ATP13A4: variants seen among roughly 807,000 people sequenced by gnomAD.
ATP13A4 encodes probable cation-transporting ATPase 13A4.
Under a neutral mutation model 142.5 loss-of-function variants are expected in ATP13A4, and 114 were observed. The observed-to-expected ratio is 0.80, with a 90% CI of 0.69 to 0.93. ATP13A4 has a LOEUF of 0.93. Among genes scored for constraint, ATP13A4 ranks in the 40% least tolerant of loss-of-function variants. ATP13A4 has a pLI of 0.00. For synonymous variants in ATP13A4, 488 were observed against 514.8 expected (o/e 0.95, Z 0.70); for missense variants, 1,392 against 1,454.0 (o/e 0.96, Z 0.69).
intron 1 of ATP13A4, among the ~76,000 whole-genome samples, chr3:193,519,946 G>A (rs1027885979): frequency 1.3e-5 from 2 of 151,982 alleles, no homozygotes; most frequent in Non-Finnish European, 2.9e-5. Context: ...CACCTGGCCT[G>A]CAATTTCTAT....
chr3:193,409,584 TAGA>T lies in ATP13A4; in HGVS notation c.3297+1395_3297+1397del, dbSNP rs150681844. Among the ~76,000 whole-genome samples, 195 of 152,354 alleles carry T rather than the reference TAGA, an allele frequency of 1.3e-3. 2 individuals carry two copies. The East Asian group carries it at 0.028, about 22-fold the overall frequency. On this transcript the variant is annotated intron_variant, in intron 28 of 29. Transcript: ENST00000342695. ...TAGGATTAAGAAGTTTTAACTGACT[TAGA>T]AGACCAGTGGGCAAAGCCTACTTAT...
intron 1 of ATP13A4, among the ~76,000 whole-genome samples, chr3:193,527,516 G>A (rs1305549565): frequency 6.6e-6 from 1 of 151,834 alleles, no homozygotes; most frequent in Admixed American, 6.6e-5. Context: ...GGAAGCGGAG[G>A]CATGAGAATC....
chr3:193,439,044 A>G lies in ATP13A4; in HGVS notation c.2541T>C (p.Gly847=). The G allele has an allele frequency of 1.2e-6, 2 of 1,609,548 alleles. No homozygotes were observed. ...TTACCCCACAGTCATTGGCTCCATCACCACACATACCTACAAAGTAACTAA... is the reference window on the plus strand; with the variant it reads ...TTACCCCACAGTCATTGGCTCCATCGCCACACATACCTACAAAGTAACTAA... ...QKLDYFVGMC[G]DGANDCGALK... Residue 847 remains glycine (G), a synonymous_variant, in exon 22 of 30, where the codon GGT becomes GGC. Coordinates refer to ENST00000342695, the MANE Select transcript of ATP13A4 (RefSeq NM_032279.4).
At chr3:193,476,265 C>T (rs775496206) in intron 8 of ATP13A4, among the ~76,000 whole-genome samples, 2 of 152,074 alleles carry the variant, frequency 1.3e-5, no homozygotes, top group African/African-American at 2.4e-5. Flanking sequence ...GCTACTTCCC[C>T]GTCCATTTTT....
At chr3:193,481,027 G>A (rs139426119) in intron 8 of ATP13A4, among the ~76,000 whole-genome samples, 5,238 of 152,266 alleles carry the variant, frequency 0.034, 136 homozygotes, top group Non-Finnish European at 0.049. Flanking sequence ...CTCAGGAATG[G>A]AAAACTAAAC....
chr3:193,522,764 G>C (rs751636165), intron 1 of ATP13A4, among the ~76,000 whole-genome samples: 1 of 152,188 alleles, frequency 6.6e-6, no homozygotes, highest in African/African-American at 2.4e-5. Context: ...ATAGGCAAGA[G>C]GGACTCCACC....
intron 21 of ATP13A4, 69 bp downstream of exon 21, chr3:193,440,489 C>T: frequency 1.9e-6 from 3 of 1,607,304 alleles, no homozygotes; most frequent in Non-Finnish European, 2.6e-6. Context: ...ACTCCTGGTA[C>T]CTCTTCCACT....
chr3:193,414,685 G>A lies in ATP13A4; in HGVS notation c.2908C>T (p.Pro970Ser). ...FRPAGRLISP[P>S]LLLSVIFNIL... is the part of the protein sequence containing the mutation. ...TTGAAAATCACAGAGAGTAGCAGAG[G>A]TGGAGAGATCAGCCGTCCTGCAGGT... Residue 970 changes from proline to serine, a missense_variant, in exon 26 of 30, where the codon CCT becomes TCT. Pro to Ser is a moderately conservative substitution (Grantham distance 74, BLOSUM62 -1). Coordinates refer to ENST00000342695, the MANE Select transcript of ATP13A4 (RefSeq NM_032279.4). 4 of 1,614,134 alleles carry A rather than the reference G, an allele frequency of 2.5e-6. No homozygotes were observed. The highest frequency in any genetic ancestry group is 2.5e-6 in the Non-Finnish European group (3 of 1,180,012).
At position 193,424,147 on chromosome 3, in the gene ATP13A4, G is replaced by C. The variant is rs182519524; in HGVS notation, c.2843-9397C>G. ...AAGGAGGTGAAAAATCTCTATACTGGAAACTATAAAACACTGGTGAAAAAA... is the reference window on the plus strand; with the variant it reads ...AAGGAGGTGAAAAATCTCTATACTGCAAACTATAAAACACTGGTGAAAAAA... On this transcript the variant is annotated intron_variant, in intron 25 of 29. Coordinates refer to ENST00000342695, the MANE Select transcript of ATP13A4 (RefSeq NM_032279.4). 3.2e-4 allele frequency among the ~76,000 whole-genome samples: 46 copies of C among 145,224 alleles called. 3 individuals carry two copies. Among genetic ancestry groups the C allele is most frequent in the African/African-American group, 1.1e-3 (44 of 39,820 alleles).
chr3:193,517,934 G>T (rs766214941), intron 1 of ATP13A4, among the ~76,000 whole-genome samples: 1 of 152,128 alleles, frequency 6.6e-6, no homozygotes, highest in Non-Finnish European at 1.5e-5. Context: ...TTGACTTATA[G>T]ATTCAGGTGA....
intron 1 of ATP13A4, among the ~76,000 whole-genome samples, chr3:193,584,492 G>A (rs1427577479): frequency 3.3e-5 from 5 of 152,112 alleles, no homozygotes; most frequent in East Asian, 1.9e-4. Flanking sequence ...AATAGGAAAC[G>A]AATACCAGCT....
chr3:193,587,404 G>A (rs1236424941), intron 1 of ATP13A4, among the ~76,000 whole-genome samples: 2 of 152,090 alleles, frequency 1.3e-5, no homozygotes, highest in East Asian at 3.9e-4. Context: ...CTCTGAATAT[G>A]TGTGTGAAAA....
intron 10 of ATP13A4, 83 bp downstream of exon 10, chr3:193,467,233 C>T: frequency 7.1e-7 from 1 of 1,410,340 alleles, no homozygotes; most frequent in Non-Finnish European, 9.9e-7. Context: ...AAAACAGCTT[C>T]TCTTTACCTA....
chr3:193,517,055 A>C (rs533254974), intron 1 of ATP13A4, among the ~76,000 whole-genome samples: 55 of 152,348 alleles, frequency 3.6e-4, no homozygotes, highest in African/African-American at 1.3e-3. Context: ...AGATTAAATT[A>C]GTTTCCCAAG....
At chr3:193,463,745 C>T (rs902841387) in intron 12 of ATP13A4, among the ~76,000 whole-genome samples, 5 of 152,030 alleles carry the variant, frequency 3.3e-5, no homozygotes, top group African/African-American at 9.7e-5. Context: ...TTTCCAGGTC[C>T]GAGGATATAA....
chr3:193,447,395 G>A (rs1717018736), intron 18 of ATP13A4, among the ~76,000 whole-genome samples: 1 of 152,146 alleles, frequency 6.6e-6, no homozygotes, highest in South Asian at 2.1e-4. Context: ...TCTAGAGTTT[G>A]CAACTGTAGA....
At chr3:193,556,458 T>C (rs1444801972), upstream of ATP13A4, among the ~76,000 whole-genome samples, 3 of 151,924 alleles carry the variant, frequency 2.0e-5, 1 homozygote, top group Middle Eastern at 6.3e-3. Flanking sequence ...CCCATTGTAA[T>C]AGTAATTACA....
intron 1 of ATP13A4, chr3:193,553,467 T>C (rs1380516411): frequency 6.6e-6 from 1 of 152,192 alleles, no homozygotes; most frequent in Non-Finnish European, 1.5e-5. Flanking sequence ...GTGAAGAGTA[T>C]TCAAGATGAA....
chr3:193,512,048 T>A (rs1721168247), intron 2 of ATP13A4, among the ~76,000 whole-genome samples: 1 of 152,092 alleles, frequency 6.6e-6, no homozygotes, highest in Admixed American at 6.6e-5. Context: ...TGCCAGCACC[T>A]CAGAGAGCAC....
Sources: gnomAD v4.1 joint callset for allele counts (sites outside exome capture counted in the v4.1 genomes callset) on GRCh38, gnomAD v4.1.1 for gene constraint, MANE v1.5 for transcripts, NCBI Gene and HGNC (gene_info 2026-07-23, HGNC 2026-07-21) for gene names.